The following DOCK2 variants were observed in gnomAD, a reference collection of about 807,000 sequenced individuals.
The protein encoded by DOCK2 is dedicator of cytokinesis 2, also known as dedicator of cytokinesis protein 2.
Under a neutral mutation model 248.9 loss-of-function variants are expected in DOCK2, and 87 were observed. That is an observed-to-expected ratio of 0.35 (90% CI 0.29 to 0.42). The LOEUF (loss-of-function observed/expected upper bound fraction) is 0.42. DOCK2 is among the 10% of genes least tolerant of loss of function. The pLI is 1.00. For synonymous variants in DOCK2, 805 were observed against 821.6 expected (o/e 0.98, Z 0.35); for missense variants, 1,747 against 2,300.2 (o/e 0.76, Z 4.92).
chr5:170,049,463 G>A (rs544057121), intron 40 of DOCK2, among the ~76,000 whole-genome samples: 1 of 152,218 alleles, frequency 6.6e-6, no homozygotes, highest in Non-Finnish European at 1.5e-5. Flanking sequence ...GATCAGCCAG[G>A]TTTGGAAGCA....
At chr5:169,779,420 G>A (rs1471915593) in intron 25 of DOCK2, 2 of 148,596 alleles carry the variant, frequency 1.3e-5, no homozygotes, top group African/African-American at 2.4e-5. Context: ...TGGTGCCTGT[G>A]GTTGGGGGGA....
chr5:169,781,674 G>A (rs780382055), intron 25 of DOCK2, among the ~76,000 whole-genome samples: 10 of 152,328 alleles, frequency 6.6e-5, no homozygotes, highest in African/African-American at 1.9e-4. Context: ...CACACAGGCC[G>A]TGGTGTGTGA....
At chr5:169,665,444 A>C in intron 2 of DOCK2, among the ~76,000 whole-genome samples, 1 of 151,394 alleles carries the variant, frequency 6.6e-6, no homozygotes, top group South Asian at 2.1e-4. Flanking sequence ...ACACATGTTT[A>C]TATGTATATA....
At chr5:169,699,343 A>G (rs371838433) in intron 11 of DOCK2, 39 bp from the exon 12 acceptor site, 27 of 1,598,904 alleles carry the variant, frequency 1.7e-5, no homozygotes, top group Non-Finnish European at 2.2e-5. Context: ...CGCAAGGAGG[A>G]CACGATGTGG....
chr5:169,666,575 G>C (rs539663548), intron 2 of DOCK2, among the ~76,000 whole-genome samples: 1 of 152,276 alleles, frequency 6.6e-6, no homozygotes, highest in African/African-American at 2.4e-5. Context: ...TATCTGCCCA[G>C]TCATGTTTTG....
At chr5:170,009,611 G>A (rs1328520231) in intron 32 of DOCK2, among the ~76,000 whole-genome samples, 1 of 152,126 alleles carries the variant, frequency 6.6e-6, no homozygotes, top group Non-Finnish European at 1.5e-5. Context: ...TCTGCCCTGG[G>A]TGTGGATATT....
At chr5:169,809,420 G>A (rs535225301) in intron 26 of DOCK2, among the ~76,000 whole-genome samples, 5 of 152,274 alleles carry the variant, frequency 3.3e-5, no homozygotes, top group African/African-American at 4.8e-5. Flanking sequence ...TCCTAAACTC[G>A]TTTGGAGTTC....
Position 170,034,500 on chromosome 5 carries a change from G to T in DOCK2, c.3569G>T (p.Gly1190Val). The change falls in exon 35 of 52, where the codon GGT becomes GTT. Residue 1190 changes from glycine (G) to valine (V), a missense_variant. Physicochemically the swap from Gly to Val is moderately radical, Grantham distance 109 (BLOSUM62 -3). Around this residue, in one of 4 missense-constraint regions of DOCK2, gnomAD observed 858 missense variants for 1,183.5 expected, o/e 0.72. Coordinates refer to ENST00000520908, the MANE Select transcript of DOCK2 (RefSeq NM_004946.3). Reference sequence around the variant, plus strand: ...CTGGAGAAGCTGCTGGATTACCGGGGTGTGATGACAGATGAGAGCAAAGAC... The same window carrying T: ...CTGGAGAAGCTGCTGGATTACCGGGTTGTGATGACAGATGAGAGCAAAGAC... ...GLLEKLLDYR[G>V]VMTDESKDNR... 6.2e-7 allele frequency: 1 copy of T among 1,614,188 alleles called. No homozygotes were observed. Among genetic ancestry groups the T allele is most frequent in the Non-Finnish European group, 8.5e-7 (1 of 1,180,012 alleles).
At chr5:169,974,008 G>A (rs2112648) in intron 27 of DOCK2, among the ~76,000 whole-genome samples, 38,536 of 152,052 alleles carry the variant, frequency 0.25, 5,263 homozygotes, top group Non-Finnish European at 0.31. Flanking sequence ...TGGTGAGGTG[G>A]ACGATCACAC....
chr5:169,640,167 G>A lies in DOCK2; in HGVS notation c.43+2798G>A, dbSNP rs542438934. 1.3e-3 allele frequency among the ~76,000 whole-genome samples: 192 copies of A among 152,342 alleles called. 1 individual carries two copies. Among genetic ancestry groups the A allele is most frequent in the African/African-American group, 4.3e-3 (178 of 41,570 alleles). On this transcript the variant is annotated intron_variant, in intron 1 of 51. Transcript: ENST00000520908. ...CCGAATATGCACTTATCTCCAAATAGGAGTACCTTCTGAGACACTGATGAC... is the reference window on the plus strand; with the variant it reads ...CCGAATATGCACTTATCTCCAAATAAGAGTACCTTCTGAGACACTGATGAC...
intron 27 of DOCK2, among the ~76,000 whole-genome samples, chr5:169,949,491 A>G (rs138356780): frequency 1.0e-3 from 153 of 152,070 alleles, no homozygotes; most frequent in Middle Eastern, 6.8e-3. Flanking sequence ...AGTGAGAAAT[A>G]ACTTGTAAAA....
chr5:169,832,072 A>G (rs968844140), intron 26 of DOCK2, among the ~76,000 whole-genome samples: 3 of 152,222 alleles, frequency 2.0e-5, no homozygotes, highest in Admixed American at 6.5e-5. Context: ...GCTTAGGTTC[A>G]GGTTGGGCCA....
In DOCK2 at chr5:169,703,119, G is replaced by A. The variant is rs115186648; in HGVS notation, c.1383+692G>A. Among the ~76,000 whole-genome samples, 1,098 of 152,276 alleles carry A rather than the reference G, an allele frequency of 7.2e-3. 19 individuals are homozygous for A. Among genetic ancestry groups the A allele is most frequent in the African/African-American group, 0.024 (995 of 41,542 alleles). On this transcript the variant is annotated intron_variant, in intron 14 of 51. Transcript: ENST00000520908. ...AGGGTTTTGTTTCTCAGTTCCTCCT[G>A]ACAGAGTAGTTAGCTGAAAAGAAAA...
At chr5:170,067,122 G>T (rs1757519226) in intron 44 of DOCK2, among the ~76,000 whole-genome samples, 1 of 152,266 alleles carries the variant, frequency 6.6e-6, no homozygotes, top group South Asian at 2.1e-4. Flanking sequence ...CAGGCTGGGT[G>T]CCCACATCGC....
chr5:169,641,408 A>T (rs529629245), intron 1 of DOCK2, among the ~76,000 whole-genome samples: 1 of 152,354 alleles, frequency 6.6e-6, no homozygotes, highest in South Asian at 2.1e-4. Flanking sequence ...GTCGCAGCCC[A>T]GGACCCTGGA....
intron 27 of DOCK2, among the ~76,000 whole-genome samples, chr5:169,941,312 A>G (rs1776235590): frequency 6.6e-6 from 1 of 152,264 alleles, no homozygotes; most frequent in South Asian, 2.1e-4. Context: ...GGTTCAAGCA[A>G]TTCTCCTGTC....
rs1246682793 is a variant in DOCK2, at chr5:170,041,997, T to C, written c.3757-16T>C. On this transcript the variant is annotated splice_polypyrimidine_tract_variant and intron_variant, in intron 37 of 51. Coordinates refer to ENST00000520908, the MANE Select transcript of DOCK2 (RefSeq NM_004946.3). ...CCTCTCGGCCCTGTGTGACTTCCTG[T>C]GTCTTCTCTTCACAGTGGTCGGATG... 6.2e-7 allele frequency: 1 copy of C among 1,612,202 alleles called. No homozygotes were observed. Among genetic ancestry groups the C allele is most frequent in the Non-Finnish European group, 8.5e-7 (1 of 1,179,026 alleles).
intron 1 of DOCK2, among the ~76,000 whole-genome samples, chr5:169,652,232 G>A (rs1252564120): frequency 1.3e-5 from 2 of 152,236 alleles, no homozygotes; most frequent in South Asian, 2.1e-4. Context: ...AGGGCAGGGT[G>A]CAAGCCTTGG....
chr5:169,828,821 C>G (rs951439793), intron 26 of DOCK2, among the ~76,000 whole-genome samples: 3 of 152,196 alleles, frequency 2.0e-5, no homozygotes, highest in Non-Finnish European at 4.4e-5. Context: ...GAACTTAAAT[C>G]CGCTTAATAA....
Sources: allele counts gnomAD v4.1 joint callset (sites outside exome capture counted in the v4.1 genomes callset), GRCh38; gene constraint gnomAD v4.1.1; regional missense constraint gnomAD v4.1.1; transcripts MANE v1.5; gene names NCBI Gene and HGNC (gene_info 2026-07-23, HGNC 2026-07-21).